The following DMD variants were observed in gnomAD, a reference collection of about 807,000 sequenced individuals.
DMD encodes the protein dystrophin.
In DMD, 63 loss-of-function variants were observed where a neutral mutation model predicts 330.1. That is an observed-to-expected ratio of 0.19 (90% confidence interval 0.16 to 0.24). The LOEUF is 0.24. DMD is among the 10% of genes least tolerant of loss of function. DMD has a pLI of 1.00. For synonymous variants in DMD, 1,223 were observed against 959.8 expected, an observed-to-expected ratio of 1.27 and a Z score of -5.07; for missense variants, 3,344 against 2,684.1, an observed-to-expected ratio of 1.25 and a Z score of -5.43.
intron 13 of DMD, among the ~76,000 whole-genome samples, chrX:32,592,876 C>A (rs144421661): frequency 6.7e-4 from 76 of 112,694 alleles, no homozygotes; most frequent in African/African-American, 2.1e-3. Flanking sequence ...ACATTGGTGC[C>A]TGCAGCAGAA....
chrX:32,086,053 A>G (rs760449412), intron 44 of DMD, among the ~76,000 whole-genome samples: 4 of 112,401 alleles, frequency 3.6e-5, no homozygotes, highest in South Asian at 3.6e-4. Flanking sequence ...TGATACACAA[A>G]TACAATGCAC....
rs10522008 is a variant in DMD, at chrX:32,602,331, T to C, written c.1483-6455A>G. The stretch of plus-strand genomic sequence containing the variant: ...CATGCATGCACCCACCCATACATTC[T>C]GCATATAGTTACAGAATTAAAATCA... On this transcript the variant is annotated intron_variant, in intron 12 of 78. Coordinates refer to ENST00000357033, the MANE Select transcript of DMD (RefSeq NM_004006.3). Among the ~76,000 whole-genome samples the C allele has an allele frequency of 8.0e-3, 897 of 111,560 alleles. 9 individuals carry two copies. Among genetic ancestry groups the C allele is most frequent in the African/African-American group, 0.027 (838 of 30,818 alleles).
chrX:32,016,292 G>A (rs1335397951), intron 44 of DMD, among the ~76,000 whole-genome samples: 2 of 111,084 alleles, frequency 1.8e-5, no homozygotes, highest in Non-Finnish European at 3.8e-5. Flanking sequence ...CCTGCTTCCG[G>A]GTCACCCTTA....
Position 32,297,505 on chromosome X carries a change from C to T in DMD, c.6118-9804G>A, listed in dbSNP as rs760109862. On this transcript the variant is annotated intron_variant, in intron 42 of 78. Coordinates refer to ENST00000357033, the MANE Select transcript of DMD (RefSeq NM_004006.3). ...GGCCAGGCTGGTATTGAACTCCTGA[C>T]CCTGTGGTCACCCGCCTTGGCCTCC... Among the ~76,000 whole-genome samples the T allele has an allele frequency of 2.7e-5, 3 of 110,759 alleles. No individual in the cohort carries two copies. In the South Asian group the frequency reaches 1.1e-3, roughly 42 times the overall value.
chrX:32,118,719 C>A (rs779686090), intron 44 of DMD, among the ~76,000 whole-genome samples: 1 of 109,084 alleles, frequency 9.2e-6, no homozygotes, highest in Non-Finnish European at 1.9e-5. Flanking sequence ...AATCCCCAAC[C>A]TTTTCGGCAC....
chrX:32,813,288 T>C (rs2077502031), intron 6 of DMD, among the ~76,000 whole-genome samples: 1 of 111,988 alleles, frequency 8.9e-6, no homozygotes, highest in Non-Finnish European at 1.9e-5. Context: ...TAACCAACTA[T>C]GAAGGAAACC....
At chrX:32,460,293 A>G (rs1022792811) in intron 25 of DMD, among the ~76,000 whole-genome samples, 1 of 110,644 alleles carries the variant, frequency 9.0e-6, no homozygotes, top group African/African-American at 3.3e-5. Context: ...TGGTACAGTC[A>G]CTGTAGAGAA....
At chrX:32,325,865 T>G (rs763015388) in intron 41 of DMD, among the ~76,000 whole-genome samples, 12 of 106,990 alleles carry the variant, frequency 1.1e-4, no homozygotes, top group Admixed American at 3.0e-4. Flanking sequence ...GTGCAGTGGC[T>G]TGATCTCGGC....
intron 21 of DMD, among the ~76,000 whole-genome samples, chrX:32,481,444 A>G (rs60899321): frequency 0.049 from 5,495 of 111,229 alleles, 153 homozygotes; most frequent in East Asian, 0.13. Flanking sequence ...AATTTCCTCA[A>G]TTGAAATTCT....
intron 57 of DMD, among the ~76,000 whole-genome samples, chrX:31,479,471 A>C (rs1288400989): frequency 8.9e-6 from 1 of 112,119 alleles, no homozygotes; most frequent in African/African-American, 3.2e-5. Flanking sequence ...AACATACCCC[A>C]AATAGTGGAT....
intron 71 of DMD, among the ~76,000 whole-genome samples, chrX:31,177,149 TG>T (rs750438225): frequency 1.1e-4 from 12 of 111,608 alleles, no homozygotes; most frequent in Non-Finnish European, 2.3e-4. Flanking sequence ...ATAGGCACTT[TG>T]TTTGCTAATA....
intron 2 of DMD, among the ~76,000 whole-genome samples, chrX:32,920,705 C>T (rs2088307746): frequency 8.9e-6 from 1 of 112,203 alleles, no homozygotes; most frequent in Admixed American, 9.5e-5. Context: ...ATGGATCAAG[C>T]AGTGAAGATA....
intron 11 of DMD, among the ~76,000 whole-genome samples, chrX:32,620,428 G>A (rs1283345998): frequency 8.9e-6 from 1 of 112,213 alleles, no homozygotes; most frequent in Non-Finnish European, 1.9e-5. Context: ...TTTTGAGAGT[G>A]TTTACAATAA....
intron 1 of DMD, among the ~76,000 whole-genome samples, chrX:33,258,351 G>A (rs1462687854): frequency 9.0e-6 from 1 of 110,984 alleles, no homozygotes; most frequent in Non-Finnish European, 1.9e-5. Flanking sequence ...TAGTGTAAAT[G>A]TTTAAAAATA....
chrX:31,830,064 A>T (rs1043964065), intron 49 of DMD, among the ~76,000 whole-genome samples: 7 of 112,404 alleles, frequency 6.2e-5, no homozygotes, highest in African/African-American at 2.3e-4. Flanking sequence ...ACAATGTTGT[A>T]TATTAGCCTG....
At chrX:32,037,262 G>A (rs1007895840) in intron 44 of DMD, among the ~76,000 whole-genome samples, 4 of 111,833 alleles carry the variant, frequency 3.6e-5, no homozygotes, top group Non-Finnish European at 7.5e-5. Context: ...ATGTCTTCAT[G>A]AGCAAGCAAT....
chrX:32,802,592 G>A (rs1373377730), intron 7 of DMD, among the ~76,000 whole-genome samples: 5 of 111,638 alleles, frequency 4.5e-5, no homozygotes, highest in Non-Finnish European at 7.5e-5. Context: ...TGCCCATTCA[G>A]TATGATATTG....
At chrX:31,317,652 C>T (rs1055737212) in intron 62 of DMD, among the ~76,000 whole-genome samples, 1 of 109,102 alleles carries the variant, frequency 9.2e-6, no homozygotes. Context: ...GCTGGGACTA[C>T]AGGCGCCCGC....
In DMD at chrX:31,453,320, C is replaced by A. The variant is rs147299353; in HGVS notation, c.8938-8693G>T. Among the ~76,000 whole-genome samples the A allele has an allele frequency of 8.7e-3, 958 of 110,717 alleles. 14 individuals carry two copies. Among genetic ancestry groups the A allele is most frequent in the African/African-American group, 0.03 (922 of 30,391 alleles). Reference sequence around the variant, plus strand: ...GGGATTACAGGTGTGCACCACCACGCCCAGCTAATTTTTGTATTTTTAGTA... The same window carrying A: ...GGGATTACAGGTGTGCACCACCACGACCAGCTAATTTTTGTATTTTTAGTA... On this transcript the variant is annotated intron_variant, in intron 59 of 78. Transcript: ENST00000357033.
Sources: gnomAD v4.1 joint callset for allele counts (sites outside exome capture counted in the v4.1 genomes callset) on GRCh38, gnomAD v4.1.1 for gene constraint, MANE v1.5 for transcripts, NCBI Gene and HGNC (gene_info 2026-07-23, HGNC 2026-07-21) for gene names.